CELF4: variants seen among roughly 807,000 people sequenced by gnomAD.
CELF4 encodes the protein CUGBP Elav-like family member 4, also known as CUG-BP- and ETR-3-like factor 4.
A neutral mutation model predicts 59.9 loss-of-function variants in CELF4; 18 were observed. The observed-to-expected ratio is 0.30, with a 90% confidence interval of 0.21 to 0.45. The LOEUF (loss-of-function observed/expected upper bound fraction) is 0.45, where lower values mean the gene tolerates loss of function less well. Ranked by LOEUF, CELF4 falls within the 20% of genes least tolerant of loss-of-function variation. The pLI is 1.00. For missense variants in CELF4, 456 were observed against 689.0 expected (o/e 0.66, Z 3.79); for synonymous variants, 261 against 267.1 (o/e 0.98, Z 0.22).
At chr18:37,356,492 T>G (rs2098579343) in intron 2 of CELF4, among the ~76,000 whole-genome samples, 1 of 151,720 alleles carries the variant, frequency 6.6e-6, no homozygotes, top group East Asian at 1.9e-4. Flanking sequence ...TCAGAGGTGC[T>G]GGGAAGGCCA....
intron 2 of CELF4, among the ~76,000 whole-genome samples, chr18:37,385,361 A>AG (rs2099087884): frequency 1.3e-5 from 2 of 150,796 alleles, no homozygotes; most frequent in South Asian, 4.2e-4. Flanking sequence ...TCTCAAAAAA[A>AG]AAAAAAAAAA....
At chr18:37,428,291 A>C (rs1236735928) in intron 2 of CELF4, among the ~76,000 whole-genome samples, 7 of 152,040 alleles carry the variant, frequency 4.6e-5, no homozygotes, top group African/African-American at 1.2e-4. Context: ...TCAGGAATGC[A>C]TGGAGAGGTG....
intron 2 of CELF4, among the ~76,000 whole-genome samples, chr18:37,481,936 A>G (rs1392992454): frequency 2.6e-5 from 4 of 152,246 alleles, no homozygotes; most frequent in Non-Finnish European, 5.9e-5. Flanking sequence ...TAATCATGAC[A>G]TCTTCTTCAT....
intron 3 of CELF4, among the ~76,000 whole-genome samples, chr18:37,293,058 T>C (rs1025671622): frequency 6.6e-6 from 1 of 151,796 alleles, no homozygotes; most frequent in Non-Finnish European, 1.5e-5. Flanking sequence ...CAAAAGGGGG[T>C]TGGGGTGAGA....
chr18:37,249,267 G>A (rs2063952729), intron 12 of CELF4, among the ~76,000 whole-genome samples: 1 of 152,128 alleles, frequency 6.6e-6, no homozygotes, highest in African/African-American at 2.4e-5. Flanking sequence ...GGGAGAAGAG[G>A]CCTAAGGAAC....
intron 2 of CELF4, among the ~76,000 whole-genome samples, chr18:37,349,366 A>T (rs998017179): frequency 1.6e-4 from 24 of 152,280 alleles, no homozygotes; most frequent in Admixed American, 1.4e-3. Context: ...GAGGCCCTGG[A>T]GGGGCCTATC....
At chr18:37,255,350 T>C (rs2068566529) in intron 11 of CELF4, among the ~76,000 whole-genome samples, 1 of 152,006 alleles carries the variant, frequency 6.6e-6, no homozygotes, top group East Asian at 1.9e-4. Context: ...TCTTTCCCTC[T>C]GCCCCAGATG....
At chr18:37,468,497 A>AC (rs1194387226) in intron 2 of CELF4, among the ~76,000 whole-genome samples, 1 of 152,034 alleles carries the variant, frequency 6.6e-6, no homozygotes, top group Non-Finnish European at 1.5e-5. Flanking sequence ...TCCTCCTGCC[A>AC]CCTCAAGCTG....
chr18:37,334,809 T>C (rs960141412), intron 2 of CELF4, among the ~76,000 whole-genome samples: 31 of 152,084 alleles, frequency 2.0e-4, no homozygotes, highest in Admixed American at 1.3e-3. Context: ...TCCCCAGGCA[T>C]GTTAAAAGAA....
At chr18:37,392,569 C>A (rs1039665033) in intron 2 of CELF4, among the ~76,000 whole-genome samples, 1 of 152,196 alleles carries the variant, frequency 6.6e-6, no homozygotes, top group African/African-American at 2.4e-5. Context: ...GTTTCCTTCA[C>A]CTCCAAAGTT....
At position 37,420,083 on chromosome 18, in the gene CELF4, G is replaced by A. The variant is rs138220074; in HGVS notation, c.369+65442C>T. Among the ~76,000 whole-genome samples, 765 of 152,328 alleles carry A rather than the reference G, an allele frequency of 5.0e-3. 3 individuals are homozygous for A. Among genetic ancestry groups the A allele is most frequent in the Non-Finnish European group, 9.0e-3 (615 of 68,028 alleles). The stretch of plus-strand genomic sequence containing the variant: ...GGCTTGGGGGTGGGAAGGGTGGACC[G>A]AGGCCATCCAAGCCCTGGCCTAAAA... On this transcript the variant is annotated intron_variant, in intron 2 of 12. Transcript: ENST00000420428.
chr18:37,520,049 C>T (rs753849361), intron 1 of CELF4, among the ~76,000 whole-genome samples: 2 of 152,168 alleles, frequency 1.3e-5, no homozygotes, highest in Non-Finnish European at 1.5e-5. Flanking sequence ...CTGGGGCTTC[C>T]TGAGAGCTTG....
intron 2 of CELF4, among the ~76,000 whole-genome samples, chr18:37,388,722 G>A (rs1339510983): frequency 6.6e-6 from 1 of 152,218 alleles, no homozygotes; most frequent in African/African-American, 2.4e-5. Flanking sequence ...TTACATGGGA[G>A]TAGGGGGCCT....
chr18:37,266,117 C>G, intron 9 of CELF4: 1 of 303,432 alleles, frequency 3.3e-6, no homozygotes, highest in Non-Finnish European at 6.3e-6. Context: ...TCTCTCAAAC[C>G]AGGCATCTGT....
intron 2 of CELF4, among the ~76,000 whole-genome samples, chr18:37,342,848 C>T (rs1397731300): frequency 6.6e-6 from 1 of 152,204 alleles, no homozygotes; most frequent in African/African-American, 2.4e-5. Flanking sequence ...CAAGGAAGCC[C>T]CCTGGGTTGC....
chr18:37,432,240 G>A (rs1424651674), intron 2 of CELF4, among the ~76,000 whole-genome samples: 1 of 152,226 alleles, frequency 6.6e-6, no homozygotes, highest in Admixed American at 6.5e-5. Flanking sequence ...AGCAGAAGGG[G>A]TGCTGTTGTG....
At chr18:37,251,611 A>G (rs777893434) in intron 12 of CELF4, among the ~76,000 whole-genome samples, 2 of 152,192 alleles carry the variant, frequency 1.3e-5, no homozygotes, top group Non-Finnish European at 2.9e-5. Flanking sequence ...AAGAAGCCCA[A>G]AGAGGACAAG....
intron 10 of CELF4, among the ~76,000 whole-genome samples, chr18:37,260,148 G>C (rs1422477991): frequency 2.0e-5 from 3 of 152,190 alleles, no homozygotes; most frequent in African/African-American, 7.2e-5. Context: ...ACGCACAGCT[G>C]GGAGGGGCCT....
intron 3 of CELF4, among the ~76,000 whole-genome samples, chr18:37,281,487 T>C (rs1250600061): frequency 6.6e-6 from 1 of 152,220 alleles, no homozygotes; most frequent in Middle Eastern, 3.4e-3. Context: ...TGAAGGAAGG[T>C]TGGGGGCTAC....
Sources: gnomAD v4.1 joint callset for allele counts (sites outside exome capture counted in the v4.1 genomes callset) on GRCh38, gnomAD v4.1.1 for gene constraint, MANE v1.5 for transcripts, NCBI Gene and HGNC (gene_info 2026-07-23, HGNC 2026-07-21) for gene names.